CDH7: variants seen among roughly 807,000 people sequenced by gnomAD.
CDH7 encodes cadherin 7, also known as cadherin-7.
Under a neutral mutation model 71.8 loss-of-function variants are expected in CDH7, and 25 were observed. The observed-to-expected ratio is 0.35, with a 90% CI of 0.25 to 0.49. The LOEUF (loss-of-function observed/expected upper bound fraction) is 0.49, where lower values mean the gene tolerates loss of function less well. Among genes scored for constraint, CDH7 ranks in the 20% least tolerant of loss-of-function variants. CDH7 has a pLI of 0.99. For missense variants in CDH7, 862 were observed against 974.6 expected (o/e 0.88, Z 1.54); for synonymous variants, 381 against 363.8 (o/e 1.05, Z -0.54).
intron 11 of CDH7, 148 bp downstream of exon 11, chr18:65,863,065 T>C (rs189080540): frequency 8.1e-6 from 7 of 861,006 alleles, no homozygotes; most frequent in African/African-American, 6.8e-5. Flanking sequence ...TGAGACGGGG[T>C]CTCACTCTGT....
At chr18:65,757,682 C>A (rs1334683203) in intron 1 of CDH7, among the ~76,000 whole-genome samples, 1 of 152,086 alleles carries the variant, frequency 6.6e-6, no homozygotes, top group African/African-American at 2.4e-5. Flanking sequence ...GTGCCCTTCT[C>A]TCCTCAGATA....
upstream of CDH7, chr18:65,750,996 T>A (rs1915855993): frequency 6.6e-6 from 1 of 152,128 alleles, no homozygotes; most frequent in South Asian, 2.1e-4. Flanking sequence ...CGAGCGGGTG[T>A]CGAGCCGGTT....
chr18:65,836,283 G>A (rs1037520426), intron 6 of CDH7, among the ~76,000 whole-genome samples: 99 of 152,184 alleles, frequency 6.5e-4, no homozygotes, highest in Middle Eastern at 6.8e-3. Flanking sequence ...CTATGGGGGC[G>A]AAAGCTGATC....
chr18:65,862,831 C>T lies in CDH7; in HGVS notation c.1778C>T (p.Thr593Ile), dbSNP rs774456816. 1.9e-6 allele frequency: 3 copies of T among 1,614,170 alleles called. No individual in the cohort carries two copies. Among genetic ancestry groups the T allele is most frequent in the East Asian group, 4.5e-5 (2 of 44,874 alleles). Residue 593 changes from threonine to isoleucine, a missense_variant, in exon 11 of 12, where the codon ACC becomes ATC. Thr to Ile is a moderately conservative substitution (Grantham distance 89). Coordinates refer to ENST00000397968, the MANE Select transcript of CDH7 (RefSeq NM_004361.5). ...TGTGATGCTGACGGCGTAGCCCAGA[C>T]CTGCAATGCAGAGGCCTATGTCCTA... ...CDCDADGVAQ[T>I]CNAEAYVLPA... is the part of the protein sequence containing the mutation.
chr18:65,830,328 C>G (rs942261912), intron 6 of CDH7, among the ~76,000 whole-genome samples: 6 of 152,262 alleles, frequency 3.9e-5, no homozygotes, highest in Admixed American at 3.9e-4. Flanking sequence ...ATTTTAGGTG[C>G]AGCTCAATAA....
chr18:65,844,175 A>ATT (rs71856562), intron 7 of CDH7, 110 bp downstream of exon 7: 6,223 of 148,852 alleles, frequency 0.042, 1,348 homozygotes, highest in African/African-American at 0.27. Context: ...TAAAAACCAG[A>ATT]TATATATATA....
chr18:65,825,168 C>G (rs1912082016), intron 6 of CDH7, among the ~76,000 whole-genome samples: 1 of 151,852 alleles, frequency 6.6e-6, no homozygotes, highest in South Asian at 2.1e-4. Context: ...ACCCTAAATT[C>G]AACCAAAAGC....
chr18:65,829,360 C>T (rs552646465), intron 6 of CDH7, among the ~76,000 whole-genome samples: 27 of 151,848 alleles, frequency 1.8e-4, no homozygotes, highest in Middle Eastern at 6.8e-3. Flanking sequence ...ACTTGTGATC[C>T]GCCCGCCTGG....
intron 6 of CDH7, among the ~76,000 whole-genome samples, chr18:65,832,833 T>C (rs950030391): frequency 3.3e-5 from 5 of 152,124 alleles, no homozygotes; most frequent in African/African-American, 1.2e-4. Flanking sequence ...TGGAAGTCTT[T>C]CCTCTAATGT....
chr18:65,791,226 A>T (rs9807135), intron 2 of CDH7, among the ~76,000 whole-genome samples: 1 of 151,990 alleles, frequency 6.6e-6, no homozygotes, highest in African/African-American at 2.4e-5. Flanking sequence ...GTGTGTTTAC[A>T]TATGTGTGCA....
chr18:65,816,707 C>T (rs1393836417), intron 4 of CDH7, among the ~76,000 whole-genome samples: 8 of 152,190 alleles, frequency 5.3e-5, no homozygotes, highest in Admixed American at 4.6e-4. Context: ...ATATTTTCTG[C>T]GTCAATTTCT....
chr18:65,790,646 A>G (rs1910680807), intron 2 of CDH7, among the ~76,000 whole-genome samples: 1 of 152,170 alleles, frequency 6.6e-6, no homozygotes, highest in Non-Finnish European at 1.5e-5. Context: ...AGGCGGGAGG[A>G]TCACTTGAGG....
rs752607696 is a variant in CDH7 at position 65,880,386 on chromosome 18, G to A, written c.1865-15G>A. 2.6e-6 allele frequency: 4 copies of A among 1,524,720 alleles called. No individual in the cohort carries two copies. In the South Asian group the frequency reaches 5.4e-5, roughly 21 times the overall value. The allele number at this position is 1,524,720 out of a possible 1,614,324, so 94.4% of individuals were successfully genotyped here. A position where few individuals can be genotyped will look rare whatever the true frequency, so the allele number is the denominator to read the frequency against. On this transcript the variant is annotated splice_polypyrimidine_tract_variant and intron_variant, in intron 11 of 11. Coordinates refer to ENST00000397968, the MANE Select transcript of CDH7 (RefSeq NM_004361.5). ...GAGTTTACTGAAACTTTCTCTTCCT[G>A]TCTTATTGTTTCAGTGTTGATCCTC...
intron 11 of CDH7, chr18:65,863,269 C>A: frequency 4.0e-6 from 1 of 251,400 alleles, no homozygotes; most frequent in Non-Finnish European, 7.8e-6. Flanking sequence ...AACTCCTGAC[C>A]TCAGGTGATC....
chr18:65,797,996 A>G (rs941778702), intron 2 of CDH7, among the ~76,000 whole-genome samples: 5 of 152,188 alleles, frequency 3.3e-5, no homozygotes, highest in Admixed American at 6.5e-5. Context: ...TGAATTATTC[A>G]GTAGTGTAGT....
chr18:65,838,268 C>G (rs1053746739), intron 6 of CDH7, among the ~76,000 whole-genome samples: 16 of 152,006 alleles, frequency 1.1e-4, no homozygotes, highest in African/African-American at 3.9e-4. Context: ...GGTTATTTTC[C>G]CATAGGTATG....
chr18:65,828,223 A>G (rs1443698910), intron 6 of CDH7, among the ~76,000 whole-genome samples: 1 of 152,126 alleles, frequency 6.6e-6, no homozygotes, highest in Non-Finnish European at 1.5e-5. Flanking sequence ...AAACAAACAT[A>G]AACAAATAAT....
At chr18:65,849,389 C>A (rs372768347) in intron 7 of CDH7, among the ~76,000 whole-genome samples, 293 of 113,342 alleles carry the variant, frequency 2.6e-3, no homozygotes, top group African/African-American at 4.4e-3. Flanking sequence ...CTTTTCTTTT[C>A]TTTTCTTTTC....
chr18:65,780,073 C>T lies in CDH7; in HGVS notation c.210+17021C>T, dbSNP rs1249898559. ...TGGCCAGTGATGATGAGCATTTCTT[C>T]ATGTGTTTTTTGGCTGCATAAATGT... On this transcript the variant is annotated intron_variant, in intron 2 of 11. Transcript: ENST00000397968. 2.8e-5 allele frequency among the ~76,000 whole-genome samples: 3 copies of T among 107,018 alleles called. 1 individual carries two copies. Among genetic ancestry groups the T allele is most frequent in the South Asian group, 3.3e-4 (1 of 3,040 alleles). The allele number at this position is 107,018 out of a possible 152,430, so 70.2% of individuals were successfully genotyped here.
Sources: allele counts gnomAD v4.1 joint callset (sites outside exome capture counted in the v4.1 genomes callset), GRCh38; gene constraint gnomAD v4.1.1; transcripts MANE v1.5; gene names NCBI Gene and HGNC (gene_info 2026-07-23, HGNC 2026-07-21).